The following TDRD12 variants were observed in gnomAD, a reference collection of about 807,000 sequenced individuals.
TDRD12 encodes the protein putative ATP-dependent RNA helicase TDRD12.
TDRD12 carries 158 observed loss-of-function variants against 133.5 expected under a neutral mutation model. The ratio of observed to expected loss-of-function variants is 1.18; its 90% confidence interval spans 1.04 to 1.35. The LOEUF is 1.35. TDRD12 is among the 40% of genes most tolerant of loss of function. TDRD12 has a pLI of 0.00. For missense variants in TDRD12, 1,443 were observed against 1,321.3 expected (o/e 1.09, Z -1.43); for synonymous variants, 460 against 477.9 (o/e 0.96, Z 0.49).
chr19:32,821,926 G>C (rs1401921657), downstream of TDRD12, among the ~76,000 whole-genome samples: 1 of 152,146 alleles, frequency 6.6e-6, no homozygotes, highest in Non-Finnish European at 1.5e-5. Context: ...TTTCTGACGT[G>C]TATGAACTTG....
Position 32,738,745 on chromosome 19 carries a change from G to A in TDRD12, c.184-111G>A, listed in dbSNP as rs1969300458. The A allele has an allele frequency of 2.6e-6, 3 of 1,157,586 alleles. No homozygotes were observed. The Admixed American group carries it at 7.7e-5, about 30-fold the overall frequency. The allele number at this position is 1,157,586 out of a possible 1,614,324, so 71.7% of individuals were successfully genotyped here. A position where few individuals can be genotyped will look rare whatever the true frequency, so the allele number is the denominator to read the frequency against. ...GGAGAATTGCTTGAACCTGGGAGGT[G>A]GAGATTGCAGTGAGCTGAGATTGTG... On this transcript the variant is annotated intron_variant, in intron 2 of 27. Transcript: ENST00000444215.
chr19:32,786,077 C>A (rs540388750), intron 11 of TDRD12, among the ~76,000 whole-genome samples: 1 of 152,190 alleles, frequency 6.6e-6, no homozygotes, highest in Non-Finnish European at 1.5e-5. Context: ...CCGATTGTTC[C>A]TATCCATGTT....
chr19:32,729,829 C>G (rs1344029850), intron 1 of TDRD12, among the ~76,000 whole-genome samples: 1 of 112,326 alleles, frequency 8.9e-6, no homozygotes, highest in Non-Finnish European at 1.6e-5. Flanking sequence ...CTTGCTCTGT[C>G]GCCCAGGCTG....
chr19:32,775,433 C>T (rs1012928590), intron 10 of TDRD12, among the ~76,000 whole-genome samples: 3 of 152,128 alleles, frequency 2.0e-5, no homozygotes, highest in Admixed American at 1.3e-4. Flanking sequence ...TGGGCTTAAG[C>T]GATCCTCCGG....
intron 13 of TDRD12, among the ~76,000 whole-genome samples, chr19:32,793,029 A>G (rs1190683051): frequency 6.6e-6 from 1 of 152,126 alleles, no homozygotes; most frequent in African/African-American, 2.4e-5. Context: ...CTACTAAAAT[A>G]CAAAAAATTA....
intron 10 of TDRD12, among the ~76,000 whole-genome samples, chr19:32,776,044 G>C (rs190038626): frequency 6.6e-6 from 1 of 152,160 alleles, no homozygotes; most frequent in Non-Finnish European, 1.5e-5. Context: ...CTGGGCCCTC[G>C]ATGCTGCCTG....
intron 25 of TDRD12, among the ~76,000 whole-genome samples, chr19:32,814,926 A>G (rs1199800486): frequency 6.6e-6 from 1 of 152,218 alleles, no homozygotes; most frequent in Admixed American, 6.5e-5. Flanking sequence ...ACTGCCACCA[A>G]CAGTGCCAGG....
At chr19:32,793,887 C>T (rs531566357) in intron 13 of TDRD12, among the ~76,000 whole-genome samples, 17 of 149,990 alleles carry the variant, frequency 1.1e-4, no homozygotes, top group African/African-American at 3.2e-4. Context: ...CTGTGCCTCC[C>T]GGGTTCAAGT....
At chr19:32,759,506 C>A (rs936744959) in intron 8 of TDRD12, among the ~76,000 whole-genome samples, 1 of 151,838 alleles carries the variant, frequency 6.6e-6, no homozygotes, top group African/African-American at 2.4e-5. Flanking sequence ...AACCTCCTGG[C>A]CTCAAAGGAG....
chr19:32,818,092 G>A (rs912843981), exon 27 of TDRD12: 31 of 702,680 alleles, frequency 4.4e-5, no homozygotes, highest in Non-Finnish European at 7.0e-5. Context: ...TCTCCAGGCC[G>A]AGGGTGACAG....
chr19:32,734,627 C>T (rs1466660380), intron 2 of TDRD12, among the ~76,000 whole-genome samples: 1 of 152,102 alleles, frequency 6.6e-6, no homozygotes, highest in African/African-American at 2.4e-5. Context: ...CCCGCCTTGG[C>T]CTCCCAAAAC....
intron 8 of TDRD12, among the ~76,000 whole-genome samples, chr19:32,771,726 T>G (rs1025720447): frequency 2.6e-5 from 4 of 152,196 alleles, no homozygotes; most frequent in Non-Finnish European, 4.4e-5. Context: ...TTCCAGAGTT[T>G]ATCTTTTTGG....
intron 27 of TDRD12, among the ~76,000 whole-genome samples, chr19:32,818,464 C>T (rs954907577): frequency 6.6e-6 from 1 of 152,198 alleles, no homozygotes; most frequent in Non-Finnish European, 1.5e-5. Context: ...TTCGTGGCTA[C>T]TGTGTTGAGA....
exon 6 of TDRD12, chr19:32,749,815 T>C: frequency 6.4e-7 from 1 of 1,550,952 alleles, no homozygotes; most frequent in Non-Finnish European, 8.7e-7. Flanking sequence ...GATTATGTGC[T>C]GTGGAAGAAG....
At chr19:32,761,630 A>T (rs922138726) in intron 8 of TDRD12, among the ~76,000 whole-genome samples, 2 of 152,182 alleles carry the variant, frequency 1.3e-5, no homozygotes, top group East Asian at 1.9e-4. Flanking sequence ...ATCTTTTCAT[A>T]TGCTTATTTG....
chr19:32,799,814 A>G (rs1321977593), intron 16 of TDRD12, among the ~76,000 whole-genome samples: 1 of 133,058 alleles, frequency 7.5e-6, no homozygotes, highest in Non-Finnish European at 1.5e-5. Flanking sequence ...GGCTCACTGT[A>G]ACCTCCACCT....
In TDRD12 at chr19:32,762,558, T is replaced by G. The variant is rs553462644; in HGVS notation, c.865+5428T>G. On this transcript the variant is annotated intron_variant, in intron 8 of 27. Transcript: ENST00000444215. ...AGGTAATGGCGGTAGGAAAAACTAG[T>G]CTTAAAGTCATGGCAGGTTATTTCA... Among the ~76,000 whole-genome samples, 23 of 152,270 alleles carry G rather than the reference T, an allele frequency of 1.5e-4. No homozygotes were observed. In the South Asian group the frequency reaches 3.7e-3, roughly 25 times the overall value.
Position 32,720,116 on chromosome 19 carries a change from A to G in TDRD12, c.24+20A>G. 4 of 1,545,008 alleles carry G rather than the reference A, an allele frequency of 2.6e-6. No homozygotes were observed. Among genetic ancestry groups the G allele is most frequent in the Non-Finnish European group, 3.5e-6 (4 of 1,144,878 alleles). On this transcript the variant is annotated intron_variant, in intron 1 of 27. Coordinates refer to ENST00000444215, the Ensembl canonical transcript of TDRD12. Reference sequence around the variant, plus strand: ...CTGAAGGTGAGCGCCGCCAAGCCAGACCCACGCCAGACCCACGCAGTCCCC... The same window carrying G: ...CTGAAGGTGAGCGCCGCCAAGCCAGGCCCACGCCAGACCCACGCAGTCCCC...
intron 6 of TDRD12, 146 bp from the exon 7 acceptor site, chr19:32,755,846 C>G (rs535055194): frequency 2.4e-4 from 141 of 578,856 alleles, no homozygotes; most frequent in Non-Finnish European, 3.6e-4. Context: ...TTTACCAGAG[C>G]AGGAGTCAAA....
Sources: allele counts gnomAD v4.1 joint callset (sites outside exome capture counted in the v4.1 genomes callset), GRCh38; gene constraint gnomAD v4.1.1; transcripts MANE v1.5; gene names NCBI Gene and HGNC (gene_info 2026-07-23, HGNC 2026-07-21).